The following CFAP221 variants were observed in gnomAD, a reference collection of about 807,000 sequenced individuals.
CFAP221 encodes cilia and flagella associated protein 221.
In CFAP221, 97 loss-of-function variants were observed where a neutral mutation model predicts 113.1. That is an observed-to-expected ratio of 0.86 (90% CI 0.73 to 1.02). The LOEUF is 1.02. CFAP221 is among the 50% of genes least tolerant of loss of function. The pLI, the probability that CFAP221 is intolerant of heterozygous loss-of-function variation, is 0.00. For missense variants in CFAP221, 1,025 were observed against 1,013.4 expected, an observed-to-expected ratio of 1.01 and a Z score of -0.16; for synonymous variants, 331 against 354.4, an observed-to-expected ratio of 0.93 and a Z score of 0.74.
chr2:119,577,810 G>T (rs1332964676), intron 6 of CFAP221, among the ~76,000 whole-genome samples: 1 of 152,200 alleles, frequency 6.6e-6, no homozygotes, highest in Non-Finnish European at 1.5e-5. Context: ...ATCATTCGCT[G>T]AAGGAGAAAT....
intron 14 of CFAP221, among the ~76,000 whole-genome samples, chr2:119,620,723 A>C (rs1685849864): frequency 6.6e-6 from 1 of 152,208 alleles, no homozygotes; most frequent in African/African-American, 2.4e-5. Context: ...TAATGACAGG[A>C]TCCAATTCAC....
In CFAP221 at chr2:119,647,030, C is replaced by G. The variant is rs1176276980; in HGVS notation, c.2298C>G (p.Asp766Glu). Residue 766 changes from aspartate to glutamate, a missense_variant, in exon 22 of 24, where the codon GAC becomes GAG. Coordinates refer to ENST00000413369, the MANE Select transcript of CFAP221 (RefSeq NM_001271049.2). ...TCCTTGATGCCTTACCAGAAGAGGA[C>G]AGACTAGAAACAGTAGAACGGTATT... The part of the protein sequence containing the change: ...PAILDALPEE[D>E]RLETVERELC... 13 of 1,608,610 alleles carry G rather than the reference C, an allele frequency of 8.1e-6. 1 individual carries two copies. In the African/African-American group the frequency reaches 1.4e-4, roughly 17 times the overall value.
chr2:119,634,002 G>A (rs745462619), intron 19 of CFAP221, among the ~76,000 whole-genome samples: 3 of 152,210 alleles, frequency 2.0e-5, no homozygotes, highest in Non-Finnish European at 2.9e-5. Context: ...TAGCTACTTG[G>A]GAGGCTGAGG....
intron 7 of CFAP221, among the ~76,000 whole-genome samples, chr2:119,587,529 G>C (rs1385477684): frequency 1.3e-5 from 2 of 152,156 alleles, no homozygotes; most frequent in East Asian, 3.8e-4. Flanking sequence ...AGATAAAATA[G>C]GAATCTTCTT....
chr2:119,583,052 C>G lies in CFAP221; in HGVS notation c.528-4067C>G, dbSNP rs557858566. Among the ~76,000 whole-genome samples the G allele has an allele frequency of 2.0e-5, 3 of 152,198 alleles. No homozygotes were observed. In the East Asian group the frequency reaches 5.8e-4, roughly 29 times the overall value. ...CATTTTTTAATCCAGCTATATCCTG[C>G]TTTCTGGAGACACACCTAAAATAAA... On this transcript the variant is annotated intron_variant, in intron 6 of 23. Transcript: ENST00000413369.
In CFAP221 at chr2:119,546,251, T is replaced by G; in HGVS notation, c.120T>G (p.Pro40=). 6.5e-7 allele frequency: 1 copy of G among 1,535,152 alleles called. No individual in the cohort carries two copies. The highest frequency in any genetic ancestry group is 8.7e-7 in the Non-Finnish European group (1 of 1,146,530). ...AGCCGAAAAAAAGAAAAGAAGTACC[T>G]AATCACCTCCTAGAATCAAGTAAGT... ...VEEPKKRKEV[P]NHLLESKVYA... is the part of the protein sequence containing the mutation. The change falls in exon 2 of 24, where the codon CCT becomes CCG. Residue 40 remains proline, a synonymous_variant. Transcript: ENST00000413369.
At chr2:119,654,393 T>A (rs1039320332) in intron 23 of CFAP221, among the ~76,000 whole-genome samples, 2 of 152,230 alleles carry the variant, frequency 1.3e-5, no homozygotes, top group African/African-American at 4.8e-5. Context: ...ACCTAGGGTT[T>A]TAAATGAAAA....
intron 7 of CFAP221, among the ~76,000 whole-genome samples, chr2:119,599,645 G>T (rs2104656958): frequency 6.6e-6 from 1 of 152,272 alleles, no homozygotes; most frequent in East Asian, 1.9e-4. Context: ...TAGAGCCAAG[G>T]CCCTTTCGTT....
chr2:119,629,079 A>G lies in CFAP221; in HGVS notation c.1651-796A>G, dbSNP rs537981592. ...ATTTTATAAATACTGTATTTCATCAATTGTAAGATGCCTTTTTCTTACATT... is the reference window on the plus strand; with the variant it reads ...ATTTTATAAATACTGTATTTCATCAGTTGTAAGATGCCTTTTTCTTACATT... On this transcript the variant is annotated intron_variant, in intron 16 of 23. Coordinates refer to ENST00000413369, the MANE Select transcript of CFAP221 (RefSeq NM_001271049.2). 1.2e-3 allele frequency among the ~76,000 whole-genome samples: 179 copies of G among 152,378 alleles called. 1 individual carries two copies. Among genetic ancestry groups the G allele is most frequent in the Admixed American group, 2.0e-3 (30 of 15,296 alleles).
intron 6 of CFAP221, among the ~76,000 whole-genome samples, chr2:119,563,580 G>T (rs1344797395): frequency 6.6e-6 from 1 of 152,184 alleles, no homozygotes; most frequent in Non-Finnish European, 1.5e-5. Flanking sequence ...CAACTAAGGG[G>T]TTAATACCTA....
At chr2:119,613,850 T>A (rs1320807127) in intron 13 of CFAP221, among the ~76,000 whole-genome samples, 1 of 152,268 alleles carries the variant, frequency 6.6e-6, no homozygotes, top group Non-Finnish European at 1.5e-5. Context: ...TTTTCTTTTC[T>A]ATTACATCAT....
chr2:119,644,771 C>T (rs1467228708), intron 21 of CFAP221, among the ~76,000 whole-genome samples: 1 of 152,122 alleles, frequency 6.6e-6, no homozygotes, highest in African/African-American at 2.4e-5. Flanking sequence ...TTTTAGAAAG[C>T]ATGAATTCAC....
intron 22 of CFAP221, among the ~76,000 whole-genome samples, chr2:119,650,068 A>G (rs1688035551): frequency 6.6e-6 from 1 of 152,214 alleles, no homozygotes; most frequent in South Asian, 2.1e-4. Context: ...CCTGCTTGTG[A>G]TTGCAGGAAA....
chr2:119,657,703 A>G (rs901638618), downstream of CFAP221, among the ~76,000 whole-genome samples: 24 of 152,194 alleles, frequency 1.6e-4, no homozygotes, highest in African/African-American at 5.6e-4. Context: ...CGATTGGTCA[A>G]CGTGTCCCCT....
intron 21 of CFAP221, among the ~76,000 whole-genome samples, chr2:119,641,535 G>A (rs969852546): frequency 1.3e-5 from 2 of 152,178 alleles, no homozygotes; most frequent in African/African-American, 4.8e-5. Flanking sequence ...TTCAGTCCTT[G>A]GGCGAGCTAC....
chr2:119,651,816 C>T (rs555708856), intron 22 of CFAP221, among the ~76,000 whole-genome samples, 158 bp from the exon 23 acceptor site: 1 of 152,346 alleles, frequency 6.6e-6, no homozygotes, highest in Non-Finnish European at 1.5e-5. Flanking sequence ...AGCAATTTAT[C>T]AGCCTTATGC....
intron 3 of CFAP221, among the ~76,000 whole-genome samples, chr2:119,550,148 T>A (rs1388091555): frequency 6.6e-6 from 1 of 152,252 alleles, no homozygotes; most frequent in African/African-American, 2.4e-5. Flanking sequence ...TCTGAGACTC[T>A]GCCTTTGTGT....
Position 119,605,038 on chromosome 2 carries a change from T to C in CFAP221, c.1024+51T>C, listed in dbSNP as rs141590203. The C allele has an allele frequency of 4.4e-3, 6,720 of 1,542,106 alleles. 30 individuals carry two copies. The highest frequency in any genetic ancestry group is 5.1e-3 in the Non-Finnish European group (5,653 of 1,117,376). On this transcript the variant is annotated intron_variant, in intron 10 of 23. Transcript: ENST00000413369. ...AGCCCCTGAGCAGAATATGAAAGAGTCATTGCTGGTCACACTGATTACCTA... is the reference window on the plus strand; with the variant it reads ...AGCCCCTGAGCAGAATATGAAAGAGCCATTGCTGGTCACACTGATTACCTA...
At chr2:119,655,260 A>G (rs919696843) in intron 23 of CFAP221, among the ~76,000 whole-genome samples, 2 of 152,168 alleles carry the variant, frequency 1.3e-5, no homozygotes, top group African/African-American at 4.8e-5. Context: ...TCCCCACAAA[A>G]TGTTCAAGGA....
Sources: gnomAD v4.1 joint callset for allele counts (sites outside exome capture counted in the v4.1 genomes callset) on GRCh38, gnomAD v4.1.1 for gene constraint, MANE v1.5 for transcripts, NCBI Gene and HGNC (gene_info 2026-07-23, HGNC 2026-07-21) for gene names.